The following KCNQ1 variants were observed in gnomAD, a reference collection of about 807,000 sequenced individuals.
KCNQ1 encodes potassium voltage-gated channel subfamily Q member 1.
A neutral mutation model predicts 72.4 loss-of-function variants in KCNQ1; 49 were observed. That is an observed-to-expected ratio of 0.68 (90% CI 0.54 to 0.86). KCNQ1 has a LOEUF of 0.86. KCNQ1 is among the 40% of genes least tolerant of loss of function. The pLI is 0.00. For missense variants in KCNQ1, 790 were observed against 945.1 expected (o/e 0.84, Z 2.15); for synonymous variants, 450 against 412.6 (o/e 1.09, Z -1.10).
At chr11:2,774,960 G>A (rs896072171) in intron 12 of KCNQ1, among the ~76,000 whole-genome samples, 7 of 152,064 alleles carry the variant, frequency 4.6e-5, no homozygotes, top group Non-Finnish European at 1.0e-4. Context: ...CGCTTGGCTC[G>A]TCTCTTGGGC....
intron 6 of KCNQ1, among the ~76,000 whole-genome samples, chr11:2,574,523 G>A (rs916420778): frequency 7.9e-5 from 12 of 152,194 alleles, no homozygotes; most frequent in Admixed American, 2.0e-4. Context: ...GACCCAGTCC[G>A]TCTGCCCCGA....
In KCNQ1 at chr11:2,787,103, AT is replaced by A. The variant is rs1846929838; in HGVS notation, c.1794+9068del. On this transcript the variant is annotated intron_variant, in intron 15 of 15. Transcript: ENST00000155840. The surrounding 1 kb of genome is among the most constrained non-coding windows in gnomAD (Gnocchi z 6.3). The stretch of plus-strand genomic sequence containing the variant: ...GGTGTACTGCCAGCCTGGACTTTTA[AT>A]TCTAGGCTCAAAGTTTTCTAGGCCA... Among the ~76,000 whole-genome samples the A allele has an allele frequency of 6.6e-6, 1 of 152,088 alleles. No individual in the cohort carries two copies. The highest frequency in any genetic ancestry group is 2.4e-5 in the African/African-American group (1 of 41,386).
At position 2,544,968 on chromosome 11, in the gene KCNQ1, C is replaced by G. The variant is rs758317329; in HGVS notation, c.477+16950C>G. ...TCTTTACCAGGTTAAGGAAACGTCC[C>G]CTCTAATACTATAGCTGAGAGCTTT... On this transcript the variant is annotated intron_variant, in intron 2 of 15. Transcript: ENST00000155840. This position sits in a 1 kb window ranked among gnomAD's most constrained non-coding sequence, Gnocchi z 4.4. Among the ~76,000 whole-genome samples, 35 of 152,132 alleles carry G rather than the reference C, an allele frequency of 2.3e-4. 1 individual carries two copies. The highest frequency in any genetic ancestry group is 5.9e-4 in the Admixed American group (9 of 15,280).
intron 13 of KCNQ1, 138 bp from the exon 14 acceptor site, chr11:2,776,847 TA>T (rs1005020816): frequency 2.4e-6 from 2 of 828,524 alleles, no homozygotes; most frequent in African/African-American, 3.4e-5. Flanking sequence ...TGGCAGGCCT[TA>T]GGGTCGGGGG....
chr11:2,697,527 C>T, intron 11 of KCNQ1: 1 of 398,588 alleles, frequency 2.5e-6, no homozygotes, highest in Non-Finnish European at 4.4e-6. Context: ...GAAGAAGTTC[C>T]TCTCTAGTCC....
chr11:2,484,723 T>C lies in KCNQ1; in HGVS notation c.386+39239T>C, dbSNP rs1564794296. 6.6e-6 allele frequency among the ~76,000 whole-genome samples: 1 copy of C among 152,208 alleles called. No homozygotes were observed. The highest frequency in any genetic ancestry group is 1.5e-5 in the Non-Finnish European group (1 of 68,042). On this transcript the variant is annotated intron_variant, in intron 1 of 15. Transcript: ENST00000155840. This position sits in a 1 kb window ranked among gnomAD's most constrained non-coding sequence, Gnocchi z 5.2. ...GGGTGCATGGTGTGCTCATCGCCACTGTGGACCTGCTGCTCTGCGCCCACT... is the reference window on the plus strand; with the variant it reads ...GGGTGCATGGTGTGCTCATCGCCACCGTGGACCTGCTGCTCTGCGCCCACT...
At position 2,822,592 on chromosome 11, in the gene KCNQ1, G is replaced by A. The variant is rs540749801; in HGVS notation, c.1795-25175G>A. Among the ~76,000 whole-genome samples, 38 of 152,358 alleles carry A rather than the reference G, an allele frequency of 2.5e-4. No individual in the cohort carries two copies. The South Asian group carries it at 7.7e-3, about 31-fold the overall frequency. On this transcript the variant is annotated intron_variant, in intron 15 of 15. Coordinates refer to ENST00000155840, the MANE Select transcript of KCNQ1 (RefSeq NM_000218.3). ...TGAGCCGAACCCCAAAGGATGGGTGGAAATTAGCTTAACTAAGTGGAGAGG... is the reference window on the plus strand; with the variant it reads ...TGAGCCGAACCCCAAAGGATGGGTGAAAATTAGCTTAACTAAGTGGAGAGG...
Position 2,544,074 on chromosome 11 carries a change from G to A in KCNQ1, c.477+16056G>A, listed in dbSNP as rs1490239523. On this transcript the variant is annotated intron_variant, in intron 2 of 15. Transcript: ENST00000155840. The surrounding 1 kb of genome is among the most constrained non-coding windows in gnomAD (Gnocchi z 4.4). ...TTGTGTTGGTTGTTCGGGGTCCTTT[G>A]CATTTACATATAAATTTTGGAAGCT... Among the ~76,000 whole-genome samples the A allele has an allele frequency of 6.6e-6, 1 of 151,924 alleles. No individual in the cohort carries two copies. Among genetic ancestry groups the A allele is most frequent in the East Asian group, 1.9e-4 (1 of 5,186 alleles).
chr11:2,497,586 T>G lies in KCNQ1; in HGVS notation c.387-30342T>G, dbSNP rs1486462458. On this transcript the variant is annotated intron_variant, in intron 1 of 15. Transcript: ENST00000155840. The surrounding 1 kb of genome is among the most constrained non-coding windows in gnomAD (Gnocchi z 4.5). Reference sequence around the variant, plus strand: ...TTCCTGTAACCTTTTATCAGGTTCTTAGCTTCCTTGCATTGGGTTAGAACA... The same window carrying G: ...TTCCTGTAACCTTTTATCAGGTTCTGAGCTTCCTTGCATTGGGTTAGAACA... 6.6e-6 allele frequency among the ~76,000 whole-genome samples: 1 copy of G among 152,226 alleles called. No individual in the cohort carries two copies. Among genetic ancestry groups the G allele is most frequent in the Non-Finnish European group, 1.5e-5 (1 of 68,040 alleles).
chr11:2,578,367 G>A (rs1031600992), intron 6 of KCNQ1, among the ~76,000 whole-genome samples: 4 of 152,230 alleles, frequency 2.6e-5, no homozygotes, highest in Non-Finnish European at 5.9e-5. Context: ...ACGGTGCCAG[G>A]TGGGGCCCGA....
intron 11 of KCNQ1, among the ~76,000 whole-genome samples, chr11:2,737,364 G>T (rs1252018936): frequency 1.3e-5 from 2 of 152,194 alleles, no homozygotes; most frequent in South Asian, 2.1e-4. Flanking sequence ...CTCTCCTGGG[G>T]CATGTGCACC....
Position 2,745,307 on chromosome 11 carries a change from C to T in KCNQ1, c.1515-23537C>T, listed in dbSNP as rs957957674. 1.4e-4 allele frequency among the ~76,000 whole-genome samples: 22 copies of T among 152,128 alleles called. No individual in the cohort carries two copies. The highest frequency in any genetic ancestry group is 5.2e-4 in the Admixed American group (8 of 15,282). On this transcript the variant is annotated intron_variant, in intron 11 of 15. Transcript: ENST00000155840. The surrounding 1 kb of genome is among the most constrained non-coding windows in gnomAD (Gnocchi z 6.2). ...GAGTCTCTCTGCATTGAGTCAGGCCCTCTTGGACCTCTGTTGCCATCTTTT... is the reference window on the plus strand; with the variant it reads ...GAGTCTCTCTGCATTGAGTCAGGCCTTCTTGGACCTCTGTTGCCATCTTTT...
At chr11:2,618,173 A>G (rs1001661790) in intron 10 of KCNQ1, 1 of 398,330 alleles carries the variant, frequency 2.5e-6, no homozygotes, top group South Asian at 1.3e-4. Context: ...TAGGTCTTTT[A>G]TCCATTTTGA....
intron 1 of KCNQ1, among the ~76,000 whole-genome samples, chr11:2,452,116 G>A (rs565864086): frequency 2.4e-4 from 36 of 152,266 alleles, no homozygotes; most frequent in Admixed American, 1.1e-3. Flanking sequence ...CCCTGGGGGC[G>A]GGGGCTCTTA....
At chr11:2,820,064 A>C (rs927060621) in intron 15 of KCNQ1, among the ~76,000 whole-genome samples, 2 of 152,090 alleles carry the variant, frequency 1.3e-5, no homozygotes, top group Non-Finnish European at 2.9e-5. Flanking sequence ...TTTTTCATAA[A>C]ATATTTTTCT....
At chr11:2,572,796 C>T in intron 5 of KCNQ1, 50 bp from the exon 6 acceptor site, 1 of 1,611,714 alleles carries the variant, frequency 6.2e-7, no homozygotes, top group Non-Finnish European at 8.5e-7. Flanking sequence ...GCACAGGAGG[C>T]TCCCAGCCTG....
intron 15 of KCNQ1, among the ~76,000 whole-genome samples, chr11:2,846,718 C>A (rs558563173): frequency 1.3e-5 from 2 of 152,256 alleles, no homozygotes; most frequent in Non-Finnish European, 2.9e-5. Context: ...ACTTCCCACC[C>A]GGGGCGGGCT....
chr11:2,614,826 G>C (rs915467721), intron 10 of KCNQ1: 13 of 398,326 alleles, frequency 3.3e-5, no homozygotes, highest in African/African-American at 2.7e-4. Flanking sequence ...TGGCAGGCCT[G>C]AGTCTTCCAA....
At chr11:2,805,003 T>C (rs1847342892) in intron 15 of KCNQ1, among the ~76,000 whole-genome samples, 2 of 152,060 alleles carry the variant, frequency 1.3e-5, no homozygotes, top group South Asian at 4.1e-4. Context: ...CCACAGGCAA[T>C]GAGGCCCCCG....
Sources: gnomAD v4.1 joint callset for allele counts (sites outside exome capture counted in the v4.1 genomes callset) on GRCh38, gnomAD v4.1.1 for gene constraint, Gnocchi (gnomAD v3.1) non-coding constraint, MANE v1.5 for transcripts, NCBI Gene and HGNC (gene_info 2026-07-23, HGNC 2026-07-21) for gene names.